The following CNTNAP2 variants were observed in gnomAD, a reference collection of about 807,000 sequenced individuals.
CNTNAP2 encodes the protein contactin associated protein 2.
A neutral mutation model predicts 155.2 loss-of-function variants in CNTNAP2; 98 were observed. The observed-to-expected ratio is 0.63, with a 90% CI of 0.54 to 0.75. The LOEUF (loss-of-function observed/expected upper bound fraction) is 0.75. Ranked by LOEUF, CNTNAP2 falls within the 30% of genes least tolerant of loss-of-function variation. The probability of loss-of-function intolerance (pLI) is 0.00; values close to 1 mark genes in which losing one functional copy is unlikely to be tolerated. For missense variants in CNTNAP2, 1,727 were observed against 1,688.1 expected, an observed-to-expected ratio of 1.02 and a Z score of -0.40; for synonymous variants, 651 against 631.2, an observed-to-expected ratio of 1.03 and a Z score of -0.47.
chr7:147,224,697 T>A (rs1415696320), intron 8 of CNTNAP2, among the ~76,000 whole-genome samples: 1 of 152,190 alleles, frequency 6.6e-6, no homozygotes, highest in East Asian at 1.9e-4. Context: ...GAAGTATGAA[T>A]GGGTGAAGTA....
At chr7:146,584,827 G>A (rs1798662780) in intron 1 of CNTNAP2, among the ~76,000 whole-genome samples, 1 of 152,128 alleles carries the variant, frequency 6.6e-6, no homozygotes, top group Non-Finnish European at 1.5e-5. Context: ...TATCCTTAGG[G>A]TCACTTTTGG....
chr7:146,818,534 C>A (rs1278549425), intron 2 of CNTNAP2, among the ~76,000 whole-genome samples: 1 of 151,830 alleles, frequency 6.6e-6, no homozygotes, highest in Non-Finnish European at 1.5e-5. Context: ...TTAAATACCT[C>A]CATGGAAAAA....
At chr7:146,974,843 A>T (rs1030423077) in intron 3 of CNTNAP2, among the ~76,000 whole-genome samples, 2 of 151,974 alleles carry the variant, frequency 1.3e-5, no homozygotes, top group Non-Finnish European at 2.9e-5. Flanking sequence ...TACTAAAAAT[A>T]CAAAAATTAG....
intron 8 of CNTNAP2, among the ~76,000 whole-genome samples, chr7:147,284,891 G>T (rs1466790194): frequency 6.6e-6 from 1 of 151,828 alleles, no homozygotes; most frequent in Non-Finnish European, 1.5e-5. Context: ...AAATGACATT[G>T]AGCTGAAACA....
At chr7:148,272,510 C>T (rs10464426) in intron 21 of CNTNAP2, among the ~76,000 whole-genome samples, 54,364 of 151,970 alleles carry the variant, frequency 0.36, 11,462 homozygotes, top group East Asian at 0.6. Flanking sequence ...GCAAATGTCA[C>T]GAAGCTGAGA....
chr7:147,077,500 T>C (rs1182964380), intron 4 of CNTNAP2, among the ~76,000 whole-genome samples: 1 of 152,226 alleles, frequency 6.6e-6, no homozygotes, highest in Non-Finnish European at 1.5e-5. Flanking sequence ...ATCCCCGTAC[T>C]TCCTGAAACC....
chr7:148,254,718 G>A (rs1219180383), intron 20 of CNTNAP2, among the ~76,000 whole-genome samples: 1 of 149,910 alleles, frequency 6.7e-6, no homozygotes. Flanking sequence ...GGAAGTTGCA[G>A]TGAGTCAAGA....
intron 13 of CNTNAP2, chr7:147,897,197 A>G (rs1374984581): frequency 1.3e-5 from 2 of 152,220 alleles, no homozygotes; most frequent in Admixed American, 6.5e-5. Context: ...TTTTACAAAG[A>G]ATACTGGGCC....
At chr7:148,326,726 A>G (rs533485305) in intron 21 of CNTNAP2, among the ~76,000 whole-genome samples, 74 of 152,176 alleles carry the variant, frequency 4.9e-4, no homozygotes, top group African/African-American at 1.0e-3. Context: ...TTAGCCGGGC[A>G]TGGTGGTGGG....
intron 1 of CNTNAP2, among the ~76,000 whole-genome samples, chr7:146,435,459 G>A (rs1004120138): frequency 4.6e-5 from 7 of 152,094 alleles, no homozygotes; most frequent in African/African-American, 1.7e-4. Flanking sequence ...CTTTGTAAGC[G>A]TAGAGTTTGT....
intron 1 of CNTNAP2, among the ~76,000 whole-genome samples, chr7:146,549,171 C>T (rs944877646): frequency 6.6e-6 from 1 of 151,276 alleles, no homozygotes; most frequent in African/African-American, 2.4e-5. Flanking sequence ...AGAATTTTAA[C>T]ACTATACATT....
chr7:146,929,087 G>C (rs1266585879), intron 3 of CNTNAP2, among the ~76,000 whole-genome samples: 1 of 152,202 alleles, frequency 6.6e-6, no homozygotes, highest in African/African-American at 2.4e-5. Context: ...GAGAGCAGTG[G>C]CTCTCCCAGC....
intron 1 of CNTNAP2, among the ~76,000 whole-genome samples, chr7:146,468,444 G>GA (rs551834208): frequency 0.033 from 4,439 of 134,580 alleles, 145 homozygotes; most frequent in African/African-American, 0.087. Flanking sequence ...AAGTCAGGAA[G>GA]AAAAAAAAAA....
chr7:147,758,211 AT>A (rs2116514291), intron 13 of CNTNAP2, among the ~76,000 whole-genome samples: 1 of 152,352 alleles, frequency 6.6e-6, no homozygotes, highest in African/African-American at 2.4e-5. Context: ...TGGTGAGGAA[AT>A]TTAATTCTCC....
rs1292630379 is a variant in CNTNAP2 at position 147,441,848 on chromosome 7, T to TCC, written c.1671-44086_1671-44085insCC. ...CTCTCTCTCTCTCTCTCTCTCTCTC[T>TCC]CTCCCTCCCTCCCTCCCTCCCTCCC... is the stretch of plus-strand genomic sequence containing the variant. On this transcript the variant is annotated intron_variant, in intron 10 of 23. Coordinates refer to ENST00000361727, the MANE Select transcript of CNTNAP2 (RefSeq NM_014141.6). 1.1e-3 allele frequency among the ~76,000 whole-genome samples: 123 copies of TCC among 114,260 alleles called. 1 individual carries two copies. The highest frequency in any genetic ancestry group is 1.7e-3 in the Non-Finnish European group (86 of 50,598). 75.0% of individuals were successfully genotyped at this position (114,260 alleles called of 152,430 possible). A position where few individuals can be genotyped will look rare whatever the true frequency, so the allele number is the denominator to read the frequency against.
chr7:147,268,330 A>G (rs1355538211), intron 8 of CNTNAP2, among the ~76,000 whole-genome samples: 1 of 152,130 alleles, frequency 6.6e-6, no homozygotes, highest in Non-Finnish European at 1.5e-5. Context: ...TCTAAACTCT[A>G]TGCAGCCATG....
At chr7:147,870,561 C>T (rs1215010288) in intron 13 of CNTNAP2, among the ~76,000 whole-genome samples, 12 of 152,178 alleles carry the variant, frequency 7.9e-5, no homozygotes, top group Non-Finnish European at 1.8e-4. Context: ...GAGATCTCAA[C>T]CCATAAACCT....
intron 18 of CNTNAP2, among the ~76,000 whole-genome samples, chr7:148,206,023 TAC>T (rs1795443613): frequency 6.6e-6 from 1 of 151,996 alleles, no homozygotes; most frequent in African/African-American, 2.4e-5. Flanking sequence ...TATAGGCATA[TAC>T]ACACACATGT....
intron 18 of CNTNAP2, among the ~76,000 whole-genome samples, chr7:148,189,680 T>C (rs1337361617): frequency 6.6e-6 from 1 of 152,208 alleles, no homozygotes; most frequent in Non-Finnish European, 1.5e-5. Flanking sequence ...TTTCTGTTCA[T>C]TGTAAATTAT....
Sources: allele counts gnomAD v4.1 joint callset (sites outside exome capture counted in the v4.1 genomes callset), GRCh38; gene constraint gnomAD v4.1.1; transcripts MANE v1.5; gene names NCBI Gene and HGNC (gene_info 2026-07-23, HGNC 2026-07-21).